SLC25A12: variants seen among roughly 807,000 people sequenced by gnomAD.
SLC25A12 encodes solute carrier family 25 member 12.
In SLC25A12, 32 loss-of-function variants were observed where a neutral mutation model predicts 83.3. The observed-to-expected ratio is 0.38, with a 90% CI of 0.29 to 0.52. The LOEUF is 0.52. Among genes scored for constraint, SLC25A12 ranks in the 20% least tolerant of loss-of-function variants. SLC25A12 has a pLI of 0.84. For missense variants in SLC25A12, 611 were observed against 835.6 expected, an observed-to-expected ratio of 0.73 and a Z score of 3.31; for synonymous variants, 267 against 291.1, an observed-to-expected ratio of 0.92 and a Z score of 0.84.
Position 171,789,512 on chromosome 2 carries a change from G to A in SLC25A12, c.1586-1565C>T, listed in dbSNP as rs148207960. On this transcript the variant is annotated intron_variant, in intron 15 of 17. Transcript: ENST00000422440. The stretch of plus-strand genomic sequence containing the variant: ...CAAAGTGCTGGGATTACAGGAATGA[G>A]CCACCAAGCTCGGCCTCAGCCTGAC... 4.6e-3 allele frequency among the ~76,000 whole-genome samples: 708 copies of A among 152,312 alleles called. 3 individuals carry two copies. The highest frequency in any genetic ancestry group is 0.016 in the African/African-American group (656 of 41,578).
chr2:171,870,803 G>T (rs1685441645), intron 2 of SLC25A12, among the ~76,000 whole-genome samples: 1 of 152,320 alleles, frequency 6.6e-6, no homozygotes, highest in East Asian at 1.9e-4. Context: ...TAGGAAACAA[G>T]ACAGGGAAGA....
intron 2 of SLC25A12, among the ~76,000 whole-genome samples, chr2:171,883,742 G>C (rs1187701030): frequency 6.6e-6 from 1 of 152,102 alleles, no homozygotes; most frequent in Admixed American, 6.6e-5. Context: ...TGCCTCCTAA[G>C]GGCCCTTCAC....
rs2105833060 is a variant in SLC25A12, at chr2:171,788,068, A to G, written c.1586-121T>C. On this transcript the variant is annotated intron_variant, in intron 15 of 17. Transcript: ENST00000422440. ...TTGAGCGGAACTCAAAACTCTTTAC[A>G]TAGATGTCTGGCCATTAATGGGAAA... The G allele has an allele frequency of 5.3e-6, 5 of 952,182 alleles. No homozygotes were observed. In the East Asian group the frequency reaches 1.3e-4, roughly 25 times the overall value. 59.0% of individuals were successfully genotyped at this position (952,182 alleles called of 1,614,324 possible).
intron 9 of SLC25A12, among the ~76,000 whole-genome samples, chr2:171,824,485 C>G (rs2105876223): frequency 6.6e-6 from 1 of 152,234 alleles, no homozygotes; most frequent in East Asian, 1.9e-4. Context: ...ATGAAATATT[C>G]CCCAATTACA....
At chr2:171,810,761 T>A (rs955500247) in intron 11 of SLC25A12, among the ~76,000 whole-genome samples, 2 of 152,210 alleles carry the variant, frequency 1.3e-5, no homozygotes. Context: ...GAATACTAAC[T>A]CCCATAATCT....
intron 2 of SLC25A12, among the ~76,000 whole-genome samples, chr2:171,884,780 CAA>C (rs530150903): frequency 5.0e-5 from 7 of 139,206 alleles, no homozygotes; most frequent in Admixed American, 1.4e-4. Flanking sequence ...TGTCCCCCAC[CAA>C]AAAAAAAAAA....
At chr2:171,811,069 T>C (rs557348739) in intron 11 of SLC25A12, among the ~76,000 whole-genome samples, 1 of 152,210 alleles carries the variant, frequency 6.6e-6, no homozygotes, top group Non-Finnish European at 1.5e-5. Context: ...GCACACAGCT[T>C]ATCCAAATTG....
At chr2:171,854,241 G>C (rs1169358906) in intron 4 of SLC25A12, among the ~76,000 whole-genome samples, 2 of 152,192 alleles carry the variant, frequency 1.3e-5, no homozygotes, top group African/African-American at 4.8e-5. Context: ...CAAAGGAGGA[G>C]GATGCCAAGA....
chr2:171,791,318 G>C, intron 15 of SLC25A12, 133 bp downstream of exon 15: 2 of 804,964 alleles, frequency 2.5e-6, no homozygotes, highest in Non-Finnish European at 4.3e-6. Context: ...CCACAAAGGA[G>C]AAAAAGTGAT....
At chr2:171,865,686 T>C (rs1422157429) in intron 3 of SLC25A12, among the ~76,000 whole-genome samples, 1 of 151,368 alleles carries the variant, frequency 6.6e-6, no homozygotes, top group African/African-American at 2.4e-5. Flanking sequence ...TATATACATA[T>C]ATATAAAATA....
At chr2:171,863,529 CAAA>C (rs56272846) in intron 3 of SLC25A12, among the ~76,000 whole-genome samples, 15 of 128,340 alleles carry the variant, frequency 1.2e-4, no homozygotes, top group East Asian at 2.2e-4. Context: ...CCGTCTCCGA[CAAA>C]AAAAAAAAAA....
At chr2:171,840,813 T>C (rs1004520409) in intron 5 of SLC25A12, among the ~76,000 whole-genome samples, 5 of 151,990 alleles carry the variant, frequency 3.3e-5, no homozygotes, top group African/African-American at 1.2e-4. Context: ...CCCAGACCAA[T>C]GAATAAAAAT....
intron 15 of SLC25A12, among the ~76,000 whole-genome samples, chr2:171,789,381 A>C (rs1690552821): frequency 6.6e-6 from 1 of 151,818 alleles, no homozygotes; most frequent in Admixed American, 6.6e-5. Flanking sequence ...GAAGCCCGCC[A>C]CCACGCCCGG....
chr2:171,833,829 A>T (rs917830780), intron 8 of SLC25A12, 134 bp downstream of exon 8: 25 of 591,298 alleles, frequency 4.2e-5, no homozygotes, highest in Admixed American at 1.1e-4. Context: ...TCTTTCTTGG[A>T]ATTTATATTC....
chr2:171,842,508 C>T (rs1478235791), intron 5 of SLC25A12, among the ~76,000 whole-genome samples: 2 of 152,224 alleles, frequency 1.3e-5, no homozygotes, highest in Non-Finnish European at 2.9e-5. Context: ...GCAGGAGAAT[C>T]GCTTGAATCC....
At chr2:171,845,878 T>C (rs546501157) in intron 4 of SLC25A12, 95 of 452,212 alleles carry the variant, frequency 2.1e-4, no homozygotes, top group African/African-American at 1.5e-3. Flanking sequence ...GACAAATACT[T>C]CAAAGTTTTC....
At chr2:171,822,512 T>C (rs1402148426) in intron 9 of SLC25A12, among the ~76,000 whole-genome samples, 19 of 152,166 alleles carry the variant, frequency 1.2e-4, no homozygotes, top group Non-Finnish European at 1.2e-4. Flanking sequence ...GTCTCCCAAA[T>C]AGCTGAGACT....
intron 4 of SLC25A12, chr2:171,848,053 G>T: frequency 2.6e-6 from 1 of 389,254 alleles, no homozygotes. Flanking sequence ...TCTTAACAGA[G>T]GTTTTAATTT....
intron 14 of SLC25A12, among the ~76,000 whole-genome samples, 159 bp downstream of exon 14, chr2:171,793,468 G>A (rs1431486607): frequency 1.3e-5 from 2 of 151,846 alleles, no homozygotes; most frequent in Non-Finnish European, 2.9e-5. Flanking sequence ...GTATCCCACT[G>A]CCTCTCATAC....
Sources: allele counts gnomAD v4.1 joint callset (sites outside exome capture counted in the v4.1 genomes callset), GRCh38; gene constraint gnomAD v4.1.1; transcripts MANE v1.5; gene names NCBI Gene and HGNC (gene_info 2026-07-23, HGNC 2026-07-21).